MDGA2: variants seen among roughly 807,000 people sequenced by gnomAD.
The protein encoded by MDGA2 is MAM domain containing glycosylphosphatidylinositol anchor 2, also known as MAM domain-containing glycosylphosphatidylinositol anchor protein 2.
MDGA2 carries 40 observed loss-of-function variants against 117.8 expected under a neutral mutation model. That is an observed-to-expected ratio of 0.34 (90% CI 0.26 to 0.44). MDGA2 has a LOEUF of 0.44. Ranked by LOEUF, MDGA2 falls within the 20% of genes least tolerant of loss-of-function variation. The probability of loss-of-function intolerance (pLI) is 1.00; values close to 1 mark genes in which losing one functional copy is unlikely to be tolerated. For synonymous variants in MDGA2, 452 were observed against 439.0 expected, an observed-to-expected ratio of 1.03 and a Z score of -0.37; for missense variants, 1,123 against 1,250.6, an observed-to-expected ratio of 0.90 and a Z score of 1.54.
intron 1 of MDGA2, among the ~76,000 whole-genome samples, chr14:47,602,348 A>G (rs1273640468): frequency 6.6e-6 from 1 of 152,146 alleles, no homozygotes; most frequent in Non-Finnish European, 1.5e-5. Context: ...CTTCCAGATC[A>G]TGGTGAGCCA....
intron 1 of MDGA2, among the ~76,000 whole-genome samples, chr14:47,653,745 A>G (rs1897688663): frequency 6.6e-6 from 1 of 152,194 alleles, no homozygotes; most frequent in Non-Finnish European, 1.5e-5. Flanking sequence ...CAGAAAGTGC[A>G]AGACAGCGGA....
At chr14:47,666,212 A>G (rs1289650469) in intron 1 of MDGA2, among the ~76,000 whole-genome samples, 1 of 148,258 alleles carries the variant, frequency 6.7e-6, no homozygotes. Context: ...GAGAATCTTT[A>G]TGTCTAGCTA....
chr14:46,967,755 G>GT (rs1334623436), intron 8 of MDGA2, among the ~76,000 whole-genome samples: 1 of 151,880 alleles, frequency 6.6e-6, no homozygotes, highest in Non-Finnish European at 1.5e-5. Context: ...TATATTTACT[G>GT]TTTTTTTCTT....
At chr14:46,919,957 A>G (rs1884061107) in intron 10 of MDGA2, 55 bp downstream of exon 10, 2 of 1,464,092 alleles carry the variant, frequency 1.4e-6, no homozygotes, top group Admixed American at 5.1e-5. Flanking sequence ...AATGATAACA[A>G]CAAGGTCTTC....
chr14:46,989,386 T>C (rs1269251895), intron 8 of MDGA2, among the ~76,000 whole-genome samples: 1 of 152,076 alleles, frequency 6.6e-6, no homozygotes, highest in Admixed American at 6.6e-5. Flanking sequence ...TAACATGATT[T>C]CTCATCAGAG....
intron 1 of MDGA2, among the ~76,000 whole-genome samples, chr14:47,615,310 C>G (rs1293691257): frequency 2.0e-5 from 3 of 152,100 alleles, no homozygotes; most frequent in East Asian, 3.9e-4. Flanking sequence ...TCTATAATAA[C>G]ATTTTACTAA....
chr14:47,311,082 T>C (rs1382209361), intron 1 of MDGA2, among the ~76,000 whole-genome samples: 6 of 152,068 alleles, frequency 3.9e-5, no homozygotes, highest in Non-Finnish European at 8.8e-5. Flanking sequence ...AGATCAGGAC[T>C]CCTAAAGGCA....
intron 1 of MDGA2, among the ~76,000 whole-genome samples, chr14:47,361,242 A>G (rs1207381232): frequency 5.4e-4 from 1 of 1,854 alleles, no homozygotes; most frequent in Non-Finnish European, 8.1e-3. Context: ...AGTAGTAATT[A>G]CAACACACAA....
intron 9 of MDGA2, among the ~76,000 whole-genome samples, chr14:46,926,729 T>G (rs1036710613): frequency 3.3e-5 from 5 of 152,134 alleles, no homozygotes; most frequent in African/African-American, 1.2e-4. Context: ...GAAACAGGCA[T>G]TTTTCTAAAT....
intron 1 of MDGA2, among the ~76,000 whole-genome samples, chr14:47,383,036 G>C (rs1370295412): frequency 6.6e-6 from 1 of 152,180 alleles, no homozygotes; most frequent in African/African-American, 2.4e-5. Flanking sequence ...AAAAAATGAT[G>C]AGTTCATGTC....
intron 1 of MDGA2, among the ~76,000 whole-genome samples, chr14:47,412,024 C>A (rs1361625072): frequency 1.3e-5 from 2 of 152,126 alleles, no homozygotes; most frequent in African/African-American, 4.8e-5. Context: ...GTCTCACAGT[C>A]AGTAACCCAG....
intron 10 of MDGA2, among the ~76,000 whole-genome samples, chr14:46,902,769 T>C (rs1032988113): frequency 4.6e-5 from 7 of 152,212 alleles, no homozygotes; most frequent in African/African-American, 1.7e-4. Context: ...TAATGCTATC[T>C]AGAATTTTAT....
intron 1 of MDGA2, among the ~76,000 whole-genome samples, chr14:47,356,576 A>G (rs1323739064): frequency 6.6e-6 from 1 of 152,168 alleles, no homozygotes; most frequent in East Asian, 1.9e-4. Flanking sequence ...CATTAACAAC[A>G]TGGTGGAAAG....
intron 4 of MDGA2, among the ~76,000 whole-genome samples, chr14:47,139,986 AT>A (rs1181282248): frequency 6.6e-6 from 1 of 151,532 alleles, no homozygotes; most frequent in East Asian, 1.9e-4. Flanking sequence ...GAGTAACCCA[AT>A]ATGGAAGTAT....
intron 1 of MDGA2, among the ~76,000 whole-genome samples, chr14:47,670,613 T>A (rs1898056956): frequency 6.6e-6 from 1 of 152,292 alleles, no homozygotes; most frequent in East Asian, 1.9e-4. Flanking sequence ...GGTACTTCAA[T>A]AAGCATACAG....
At chr14:47,609,428 C>CATATATATATATATATACATATATAT (rs1896800843) in intron 1 of MDGA2, among the ~76,000 whole-genome samples, 2 of 17,558 alleles carry the variant, frequency 1.1e-4, no homozygotes, top group Non-Finnish European at 2.8e-4. Flanking sequence ...AGTATTCCAT[C>CATATATATATATATATACATATATAT]ATATATATAT....
At chr14:46,980,420 T>C (rs543154747) in intron 8 of MDGA2, among the ~76,000 whole-genome samples, 1 of 152,314 alleles carries the variant, frequency 6.6e-6, no homozygotes, top group East Asian at 1.9e-4. Flanking sequence ...AGATAGAATC[T>C]ACTTCTAGTG....
chr14:47,617,014 C>T (rs548822694), intron 1 of MDGA2, among the ~76,000 whole-genome samples: 2 of 152,260 alleles, frequency 1.3e-5, no homozygotes, highest in African/African-American at 2.4e-5. Flanking sequence ...CCATCACTCA[C>T]GTATGTTCTA....
intron 1 of MDGA2, among the ~76,000 whole-genome samples, chr14:47,512,067 G>C (rs1894653588): frequency 6.6e-6 from 1 of 152,118 alleles, no homozygotes; most frequent in Admixed American, 6.6e-5. Context: ...GGATCACAGA[G>C]CTGGCATGTG....
Sources: allele counts gnomAD v4.1 joint callset (sites outside exome capture counted in the v4.1 genomes callset), GRCh38; gene constraint gnomAD v4.1.1; transcripts MANE v1.5; gene names NCBI Gene and HGNC (gene_info 2026-07-23, HGNC 2026-07-21).